Variants in NFE2L2 observed in about 807,000 individuals in gnomAD.
NFE2L2 encodes nuclear factor erythroid 2-related factor 2.
In NFE2L2, 20 loss-of-function variants were observed where a neutral mutation model predicts 49.6. The observed-to-expected ratio is 0.40, with a 90% CI of 0.28 to 0.59. The LOEUF is 0.59. NFE2L2 is among the 20% of genes least tolerant of loss of function. The probability of loss-of-function intolerance (pLI) is 0.40; values close to 1 mark genes in which losing one functional copy is unlikely to be tolerated. For missense variants in NFE2L2, 578 were observed against 714.2 expected, an observed-to-expected ratio of 0.81 and a Z score of 2.17; for synonymous variants, 244 against 256.5, an observed-to-expected ratio of 0.95 and a Z score of 0.47.
chr2:177,236,246 G>T lies in NFE2L2; in HGVS notation c.46-1975C>A, dbSNP rs61232320. Among the ~76,000 whole-genome samples the T allele has an allele frequency of 9.5e-4, 144 of 152,360 alleles. 2 individuals are homozygous for T. The highest frequency in any genetic ancestry group is 3.2e-3 in the African/African-American group (134 of 41,586). On this transcript the variant is annotated intron_variant, in intron 1 of 4. Transcript: ENST00000397062. Reference sequence around the variant, plus strand: ...ACAGAGGAGCAGGCCACCCAGCCTGGAGGCAGCGCAGCTAGCTAGATGGCA... The same window carrying T: ...ACAGAGGAGCAGGCCACCCAGCCTGTAGGCAGCGCAGCTAGCTAGATGGCA...
At chr2:177,261,048 A>G (rs1248480007) in intron 1 of NFE2L2, among the ~76,000 whole-genome samples, 1 of 151,728 alleles carries the variant, frequency 6.6e-6, no homozygotes. Context: ...GTGGGTGCCT[A>G]TAATCCCAGC....
intron 1 of NFE2L2, among the ~76,000 whole-genome samples, chr2:177,253,130 C>A (rs753092133): frequency 2.0e-5 from 3 of 152,186 alleles, no homozygotes; most frequent in Non-Finnish European, 4.4e-5. Flanking sequence ...CCAGCTGAAG[C>A]CTGAACCAAA....
At chr2:177,233,974 A>G (rs757336547) in intron 2 of NFE2L2, 31 bp downstream of exon 2, 2 of 1,611,830 alleles carry the variant, frequency 1.2e-6, no homozygotes, top group East Asian at 2.2e-5. Flanking sequence ...TAAACCTGCC[A>G]TAACTTTCCC....
At chr2:177,233,650 T>G in intron 2 of NFE2L2, 1 of 503,204 alleles carries the variant, frequency 2.0e-6, no homozygotes, top group Non-Finnish European at 3.5e-6. Flanking sequence ...CAGTATATGT[T>G]CTTAAAACAG....
At chr2:177,242,656 G>C (rs547038532) in intron 1 of NFE2L2, among the ~76,000 whole-genome samples, 1 of 152,214 alleles carries the variant, frequency 6.6e-6, no homozygotes, top group East Asian at 1.9e-4. Flanking sequence ...CAATTTACTG[G>C]AACTCTCACC....
At chr2:177,254,574 C>T (rs1690451011) in intron 1 of NFE2L2, among the ~76,000 whole-genome samples, 1 of 152,152 alleles carries the variant, frequency 6.6e-6, no homozygotes, top group Non-Finnish European at 1.5e-5. Flanking sequence ...CACAGCGATC[C>T]GTGGAACAGG....
chr2:177,257,975 A>C lies in NFE2L2; in HGVS notation c.45+6557T>G, dbSNP rs569392559. On this transcript the variant is annotated intron_variant, in intron 1 of 4. Coordinates refer to ENST00000397062, the MANE Select transcript of NFE2L2 (RefSeq NM_006164.5). ...AGGTTGTGGACTGCTGCCCTAGGGC[A>C]CTGGCTCTCAAACCTGACTGCTCGT... Among the ~76,000 whole-genome samples, 35 of 152,380 alleles carry C rather than the reference A, an allele frequency of 2.3e-4. No homozygotes were observed. In the South Asian group the frequency reaches 7.0e-3, roughly 31 times the overall value.
rs750832252 is a variant in NFE2L2, at chr2:177,231,157, G to A, written c.1446C>T (p.Asn482=). The A allele has an allele frequency of 2.3e-5, 37 of 1,613,982 alleles. No individual in the cohort carries two copies. The highest frequency in any genetic ancestry group is 2.7e-5 in the Non-Finnish European group (32 of 1,180,020). The change falls in exon 5 of 5, where the codon AAC becomes AAT. Residue 482 remains asparagine, a synonymous_variant. Transcript: ENST00000397062. The part of the protein sequence containing the change: ...KIINLPVVDF[N]EMMSKEQFNE... ...TGAACTGCTCTTTGGACATCATTTC[G>A]TTGAAGTCAACAACAGGGAGGTTAA...
chr2:177,233,996 A>ACT lies in NFE2L2; in HGVS notation c.312+7_312+8dup. The ACT allele has an allele frequency of 6.2e-7, 1 of 1,614,102 alleles. No homozygotes were observed. ...GCCATAACTTTCCCAAGAACTGAGTACTCTGTACCTGGGAGTAGTTGGCAG... is the reference window on the plus strand; with the variant it reads ...GCCATAACTTTCCCAAGAACTGAGTACTCTCTGTACCTGGGAGTAGTTGGCAG... On this transcript the variant is annotated intron_variant, in intron 2 of 4. Transcript: ENST00000397062.
At chr2:177,234,554 A>G (rs1195346091) in intron 1 of NFE2L2, among the ~76,000 whole-genome samples, 2 of 152,248 alleles carry the variant, frequency 1.3e-5, no homozygotes, top group Non-Finnish European at 2.9e-5. Flanking sequence ...TAAAGGGCAA[A>G]GTCACAAATG....
chr2:177,240,227 TCTTCTGCACAGAAATCCAGGG>T, intron 1 of NFE2L2, among the ~76,000 whole-genome samples: 1 of 152,108 alleles, frequency 6.6e-6, no homozygotes, highest in Non-Finnish European at 1.5e-5. Context: ...CTAAAACTGC[TCTTCTGCACAGAAATCCAGGG>T]CTTTGAGGAA....
rs35007548 is a variant in NFE2L2 at position 177,231,571 on chromosome 2, G to A, written c.1032C>T (p.Ser344=). The A allele has an allele frequency of 1.3e-4, 210 of 1,614,174 alleles. No homozygotes were observed. The African/African-American group carries it at 2.1e-3, about 16-fold the overall frequency. ...ESTAEFNDSD[S]GISLNTSPSV... is the part of the protein sequence containing the mutation. ...TGGGACTTGTGTTTAGTGAAATGCC[G>A]GAGTCAGAATCATTGAATTCTGCTG... Residue 344 remains serine, a synonymous_variant, in exon 5 of 5, where the codon TCC becomes TCT. Transcript: ENST00000397062.
At chr2:177,263,328 A>C (rs1343896319) in intron 1 of NFE2L2, 1 of 979,176 alleles carries the variant, frequency 1.0e-6, no homozygotes, top group Admixed American at 6.1e-5. Context: ...TCAGGGGAGA[A>C]ATAATAGCTG....
At chr2:177,260,924 A>G (rs1221312497) in intron 1 of NFE2L2, among the ~76,000 whole-genome samples, 1 of 152,096 alleles carries the variant, frequency 6.6e-6, no homozygotes, top group East Asian at 1.9e-4. Context: ...TAATCCCAAC[A>G]CTTTGGGAGG....
At position 177,264,615 on chromosome 2, in the gene NFE2L2, G is replaced by A. The variant is rs987244902; in HGVS notation, c.-39C>T. 6.4e-6 allele frequency: 9 copies of A among 1,416,930 alleles called. No homozygotes were observed. Among genetic ancestry groups the A allele is most frequent in the Non-Finnish European group, 7.5e-6 (8 of 1,073,546 alleles). The allele number at this position is 1,416,930 out of a possible 1,614,324, so 87.8% of individuals were successfully genotyped here. On this transcript the variant is annotated 5_prime_UTR_variant, in exon 1 of 5. Transcript: ENST00000397062. Reference sequence around the variant, plus strand: ...CCGTGTGTTGGGGCTCCCCGACGGCGGCCCTGTTCCGGCTGCCGAGGCGCG... The same window carrying A: ...CCGTGTGTTGGGGCTCCCCGACGGCAGCCCTGTTCCGGCTGCCGAGGCGCG...
At chr2:177,264,334 G>T in intron 1 of NFE2L2, 198 bp downstream of exon 1, 1 of 521,758 alleles carries the variant, frequency 1.9e-6, no homozygotes, top group Non-Finnish European at 3.2e-6. Flanking sequence ...GTGGTCGGTC[G>T]GATCACCCGG....
At chr2:177,264,422 G>C (rs1042506211) in intron 1 of NFE2L2, 110 bp downstream of exon 1, 14 of 1,199,714 alleles carry the variant, frequency 1.2e-5, no homozygotes, top group East Asian at 6.3e-5. Context: ...TCCTGGCTCT[G>C]GCCAGACGTG....
rs575585351 is a variant in NFE2L2 at position 177,263,742 on chromosome 2, G to T, written c.45+790C>A. 2.0e-5 allele frequency: 20 copies of T among 985,490 alleles called. No individual in the cohort carries two copies. In the East Asian group the frequency reaches 1.9e-3, roughly 95 times the overall value. The allele number at this position is 985,490 out of a possible 1,614,324, so 61.0% of individuals were successfully genotyped here. Reference sequence around the variant, plus strand: ...CTGCCCTCGCCCGCACTTTCCCGCGGCGTTACGAGGGGCCAACTCCGGGTG... The same window carrying T: ...CTGCCCTCGCCCGCACTTTCCCGCGTCGTTACGAGGGGCCAACTCCGGGTG... On this transcript the variant is annotated intron_variant, in intron 1 of 4. Transcript: ENST00000397062.
At chr2:177,257,172 G>A (rs1690555658) in intron 1 of NFE2L2, among the ~76,000 whole-genome samples, 1 of 152,256 alleles carries the variant, frequency 6.6e-6, no homozygotes. Context: ...TTTAACGGAG[G>A]AAGATAATGA....
Sources: gnomAD v4.1 joint callset for allele counts (sites outside exome capture counted in the v4.1 genomes callset) on GRCh38, gnomAD v4.1.1 for gene constraint, MANE v1.5 for transcripts, NCBI Gene and HGNC (gene_info 2026-07-23, HGNC 2026-07-21) for gene names.